The following CNTN1 variants were observed in gnomAD, a reference collection of about 807,000 sequenced individuals.
CNTN1 encodes the protein contactin-1.
A neutral mutation model predicts 126.4 loss-of-function variants in CNTN1; 38 were observed. The observed-to-expected ratio is 0.30, with a 90% CI of 0.23 to 0.39. The LOEUF (loss-of-function observed/expected upper bound fraction) is 0.39. CNTN1 is among the 10% of genes least tolerant of loss of function. The pLI is 1.00. For missense variants in CNTN1, 1,009 were observed against 1,248.4 expected (o/e 0.81, Z 2.89); for synonymous variants, 413 against 422.6 (o/e 0.98, Z 0.28).
intron 1 of CNTN1, among the ~76,000 whole-genome samples, chr12:40,805,370 T>G (rs990684373): frequency 1.3e-5 from 2 of 152,086 alleles, no homozygotes; most frequent in Non-Finnish European, 1.5e-5. Flanking sequence ...TTTCCTTTTA[T>G]GTGTCAATTT....
chr12:40,912,923 C>T (rs1295284432), intron 3 of CNTN1, among the ~76,000 whole-genome samples: 1 of 152,126 alleles, frequency 6.6e-6, no homozygotes, highest in Admixed American at 6.5e-5. Context: ...CCCACCAGCC[C>T]AGTCATGCTA....
chr12:40,823,097 T>C (rs1203278695), intron 1 of CNTN1, among the ~76,000 whole-genome samples: 1 of 152,184 alleles, frequency 6.6e-6, no homozygotes, highest in Non-Finnish European at 1.5e-5. Context: ...TCCACACATA[T>C]ATACAATAAT....
chr12:40,939,214 T>C lies in CNTN1; in HGVS notation c.1229-121T>C, dbSNP rs891705035. On this transcript the variant is annotated intron_variant, in intron 11 of 23. Coordinates refer to ENST00000551295, the MANE Select transcript of CNTN1 (RefSeq NM_001843.4). ...AATGCCTATTGGTGACAGCTGATCA[T>C]ATTTACCGAGATTAATCCTTTCCAT... The C allele has an allele frequency of 4.7e-6, 5 of 1,072,268 alleles. No homozygotes were observed. In the East Asian group the frequency reaches 1.0e-4, roughly 22 times the overall value. The allele number at this position is 1,072,268 out of a possible 1,614,324, so 66.4% of individuals were successfully genotyped here.
intron 3 of CNTN1, among the ~76,000 whole-genome samples, chr12:40,917,816 G>A (rs921519682): frequency 6.6e-6 from 1 of 152,138 alleles, no homozygotes; most frequent in Admixed American, 6.6e-5. Flanking sequence ...AGGGAGAATA[G>A]ACCATGAGGA....
rs759363889 is a variant in CNTN1, at chr12:41,020,360, G to A, written c.2443G>A (p.Val815Ile). The change falls in exon 20 of 24, where the codon GTA becomes ATA. Residue 815 changes from valine to isoleucine, a missense_variant. By Grantham distance (29) the Val-to-Ile change is conservative (BLOSUM62 3). Transcript: ENST00000551295. ...QDAPSEAPTE[V>I]GVKVLSSSEI... is the part of the protein sequence containing the mutation. ...AGCTCCCAGTGAAGCCCCAACAGAA[G>A]TAGGTGTAAAAGTCTTATCATCTTC... 6.2e-7 allele frequency: 1 copy of A among 1,612,004 alleles called. No individual in the cohort carries two copies.
At chr12:40,738,651 C>T (rs1254634979) in intron 1 of CNTN1, among the ~76,000 whole-genome samples, 1 of 151,742 alleles carries the variant, frequency 6.6e-6, no homozygotes, top group African/African-American at 2.4e-5. Flanking sequence ...ATAAATGACC[C>T]GTTAATAAAG....
chr12:41,012,740 C>A (rs1258398682), intron 17 of CNTN1, among the ~76,000 whole-genome samples: 2 of 152,084 alleles, frequency 1.3e-5, no homozygotes, highest in Non-Finnish European at 1.5e-5. Context: ...TGAAGGGGGT[C>A]CAGTATTTGG....
intron 23 of CNTN1, among the ~76,000 whole-genome samples, chr12:41,039,338 G>A (rs774867109): frequency 2.0e-5 from 3 of 152,076 alleles, no homozygotes; most frequent in Non-Finnish European, 2.9e-5. Context: ...AGAAGTGGGA[G>A]GCAGTTATAT....
Position 40,800,015 on chromosome 12 carries a change from A to G in CNTN1, c.-77+107423A>G, listed in dbSNP as rs150656825. 5.1e-4 allele frequency among the ~76,000 whole-genome samples: 78 copies of G among 152,082 alleles called. 1 individual carries two copies. The highest frequency in any genetic ancestry group is 3.5e-3 in the Admixed American group (54 of 15,244). On this transcript the variant is annotated intron_variant, in intron 1 of 23. Transcript: ENST00000551295. ...AACAATTAAATATACTCTCTCTCCC[A>G]CTTTACAACTAATTGGGAAGGTGAT...
chr12:40,812,783 A>T (rs1183582206), intron 1 of CNTN1, among the ~76,000 whole-genome samples: 1 of 152,060 alleles, frequency 6.6e-6, no homozygotes, highest in Non-Finnish European at 1.5e-5. Flanking sequence ...TTAAAGCTCT[A>T]GTGAGTCTCT....
At chr12:40,905,498 A>G (rs905855054) in intron 1 of CNTN1, among the ~76,000 whole-genome samples, 1 of 152,188 alleles carries the variant, frequency 6.6e-6, no homozygotes, top group Admixed American at 6.5e-5. Flanking sequence ...AAATGTGAAT[A>G]TCTGTGGGAA....
chr12:40,831,169 A>G (rs1033402955), intron 1 of CNTN1, among the ~76,000 whole-genome samples: 1 of 146,592 alleles, frequency 6.8e-6, no homozygotes, highest in African/African-American at 2.5e-5. Flanking sequence ...CTGTAAATGT[A>G]TAGTATATAT....
At chr12:40,709,848 G>C (rs1188616212) in intron 1 of CNTN1, among the ~76,000 whole-genome samples, 2 of 152,120 alleles carry the variant, frequency 1.3e-5, no homozygotes. Flanking sequence ...GAATGTTGTG[G>C]CTGGTTTGAC....
At chr12:40,741,118 TA>T in intron 1 of CNTN1, among the ~76,000 whole-genome samples, 1 of 152,084 alleles carries the variant, frequency 6.6e-6, no homozygotes, top group Non-Finnish European at 1.5e-5. Flanking sequence ...ACCTATGGAA[TA>T]TCCACTGAAG....
intron 15 of CNTN1, among the ~76,000 whole-genome samples, chr12:40,970,560 T>A (rs763078717): frequency 2.0e-5 from 3 of 152,132 alleles, no homozygotes; most frequent in African/African-American, 7.2e-5. Flanking sequence ...ATAATAACTA[T>A]CCTTAGTTAT....
chr12:40,840,823 G>A (rs1163660424), intron 1 of CNTN1, among the ~76,000 whole-genome samples: 1 of 151,386 alleles, frequency 6.6e-6, no homozygotes, highest in Admixed American at 6.6e-5. Context: ...TACAGCAAAA[G>A]CAATGCAAAG....
chr12:40,913,819 G>A (rs550504264), intron 3 of CNTN1, among the ~76,000 whole-genome samples: 37 of 152,244 alleles, frequency 2.4e-4, no homozygotes, highest in African/African-American at 6.7e-4. Flanking sequence ...TAGTAAATAT[G>A]ACTGCAAATA....
At chr12:40,883,752 A>T (rs748282689) in intron 1 of CNTN1, among the ~76,000 whole-genome samples, 3 of 151,676 alleles carry the variant, frequency 2.0e-5, no homozygotes, top group Non-Finnish European at 3.0e-5. Context: ...GGCTTATTTA[A>T]AACTTATTTG....
intron 1 of CNTN1, among the ~76,000 whole-genome samples, chr12:40,820,289 C>T (rs1305284717): frequency 6.6e-6 from 1 of 152,178 alleles, no homozygotes; most frequent in African/African-American, 2.4e-5. Context: ...TATCCATCCC[C>T]ATGACCCAGA....
Sources: allele counts gnomAD v4.1 joint callset (sites outside exome capture counted in the v4.1 genomes callset), GRCh38; gene constraint gnomAD v4.1.1; transcripts MANE v1.5; gene names NCBI Gene and HGNC (gene_info 2026-07-23, HGNC 2026-07-21).